Variants in SYBU observed in about 807,000 individuals in gnomAD.
The protein encoded by SYBU is syntabulin, also known as GOLSYN A protein.
A neutral mutation model predicts 35.9 loss-of-function variants in SYBU; 21 were observed. The observed-to-expected ratio is 0.58, with a 90% CI of 0.41 to 0.84. The LOEUF (loss-of-function observed/expected upper bound fraction) is 0.84, where lower values mean the gene tolerates loss of function less well. Ranked by LOEUF, SYBU falls within the 40% of genes least tolerant of loss-of-function variation. The pLI is 0.00. For missense variants in SYBU, 768 were observed against 848.2 expected, an observed-to-expected ratio of 0.91 and a Z score of 1.17; for synonymous variants, 319 against 324.3, an observed-to-expected ratio of 0.98 and a Z score of 0.18.
At chr8:109,606,150 C>A (rs956938609) in intron 3 of SYBU, among the ~76,000 whole-genome samples, 4 of 152,270 alleles carry the variant, frequency 2.6e-5, no homozygotes, top group Non-Finnish European at 5.9e-5. Context: ...CAATTCCCAT[C>A]AAAATGTTAA....
chr8:109,641,135 T>A (rs1814829842), intron 2 of SYBU, among the ~76,000 whole-genome samples: 1 of 152,210 alleles, frequency 6.6e-6, no homozygotes, highest in Non-Finnish European at 1.5e-5. Context: ...CTCCTTTAAA[T>A]TTTACCCAAA....
At chr8:109,665,249 T>C (rs572656796) in intron 1 of SYBU, among the ~76,000 whole-genome samples, 13 of 152,268 alleles carry the variant, frequency 8.5e-5, no homozygotes, top group African/African-American at 3.1e-4. Flanking sequence ...ATTAGTTGGC[T>C]TTTTTTGGCC....
At chr8:109,619,127 CGT>C in intron 2 of SYBU, 88 bp from the exon 3 acceptor site, 1 of 952,156 alleles carries the variant, frequency 1.1e-6, no homozygotes. Flanking sequence ...CACACGCACA[CGT>C]GCACTCGCAC....
intron 3 of SYBU, among the ~76,000 whole-genome samples, chr8:109,615,088 C>T (rs1475427988): frequency 6.6e-6 from 1 of 152,266 alleles, no homozygotes; most frequent in East Asian, 1.9e-4. Context: ...TTTAATAACT[C>T]CTTCCTGAGG....
chr8:109,618,496 A>G (rs11992641), intron 3 of SYBU, among the ~76,000 whole-genome samples: 14,191 of 152,286 alleles, frequency 0.093, 798 homozygotes, highest in South Asian at 0.23. Context: ...GTGGTCACTT[A>G]TGATAGTACT....
At chr8:109,683,419 G>T (rs1035229285), upstream of SYBU, among the ~76,000 whole-genome samples, 2 of 152,178 alleles carry the variant, frequency 1.3e-5, no homozygotes, top group African/African-American at 2.4e-5. Context: ...GAACTTGGAT[G>T]GGACTTGTAA....
chr8:109,686,842 G>C (rs1817530131), intron 1 of SYBU, among the ~76,000 whole-genome samples: 1 of 152,164 alleles, frequency 6.6e-6, no homozygotes, highest in Non-Finnish European at 1.5e-5. Context: ...CAGAGAAATA[G>C]ATAATTTCTT....
intron 3 of SYBU, among the ~76,000 whole-genome samples, chr8:109,614,912 G>A (rs1459584754): frequency 6.6e-6 from 1 of 152,230 alleles, no homozygotes; most frequent in East Asian, 1.9e-4. Context: ...AACAGGAAGG[G>A]CTTTCCTGCT....
chr8:109,598,451 C>T (rs1476512224), intron 3 of SYBU, among the ~76,000 whole-genome samples: 1 of 152,132 alleles, frequency 6.6e-6, no homozygotes, highest in Non-Finnish European at 1.5e-5. Context: ...TGACCTCAGG[C>T]AATCACTTAA....
rs1461007345 is a variant in SYBU at position 109,584,169 on chromosome 8, T to G, written c.530+1891A>C. On this transcript the variant is annotated intron_variant, in intron 4 of 6. Coordinates refer to ENST00000276646, the MANE Select transcript of SYBU (RefSeq NM_001099754.2). This position sits in a 1 kb window ranked among gnomAD's most constrained non-coding sequence, Gnocchi z 4.0. The stretch of plus-strand genomic sequence containing the variant: ...GGATAGAACACTGCCATTTTCAATT[T>G]TCCATCTATTAATTTTTGTTAAACC... 6.6e-6 allele frequency among the ~76,000 whole-genome samples: 1 copy of G among 152,168 alleles called. No individual in the cohort carries two copies. The highest frequency in any genetic ancestry group is 1.5e-5 in the Non-Finnish European group (1 of 68,030).
In SYBU at chr8:109,585,918, C is replaced by T; in HGVS notation, c.530+142G>A. On this transcript the variant is annotated intron_variant, in intron 4 of 6. Transcript: ENST00000276646. ...ACAGGAAAAACTACCAATTTAAAATCACTGTAAAAAAACAAAACAAAAAGC... is the reference window on the plus strand; with the variant it reads ...ACAGGAAAAACTACCAATTTAAAATTACTGTAAAAAAACAAAACAAAAAGC... 4.7e-6 allele frequency: 3 copies of T among 635,958 alleles called. No individual in the cohort carries two copies. The South Asian group carries it at 6.0e-5, about 13-fold the overall frequency. 39.4% of individuals were successfully genotyped at this position (635,958 alleles called of 1,614,324 possible).
upstream of SYBU, chr8:109,681,061 G>A (rs909827530): frequency 5.9e-5 from 9 of 152,184 alleles, no homozygotes; most frequent in South Asian, 2.1e-4. Flanking sequence ...CGAGCAACAC[G>A]ATGAATGTGT....
At chr8:109,623,324 T>A (rs1191618863) in intron 2 of SYBU, among the ~76,000 whole-genome samples, 1 of 152,196 alleles carries the variant, frequency 6.6e-6, no homozygotes, top group Admixed American at 6.5e-5. Context: ...AATTTACATG[T>A]CCTCCTTGAT....
chr8:109,618,886 G>A lies in SYBU; in HGVS notation c.383C>T (p.Ser128Phe), dbSNP rs1226489744. ...CTTTGATTCCTTCTTATATCGAGAG[G>A]ACTGAATGCTTCCTTCACCAACCAT... ...IGMVGEGSIQ[S>F]SRYKKESKSG... Residue 128 changes from serine to phenylalanine, a missense_variant, in exon 3 of 7, where the codon TCC (serine) becomes TTC (phenylalanine). By Grantham distance (155) the Ser-to-Phe change is radical. Coordinates refer to ENST00000276646, the MANE Select transcript of SYBU (RefSeq NM_001099754.2). The A allele has an allele frequency of 6.2e-7, 1 of 1,614,174 alleles. No homozygotes were observed. The highest frequency in any genetic ancestry group is 8.5e-7 in the Non-Finnish European group (1 of 1,180,018).
At position 109,584,026 on chromosome 8, in the gene SYBU, C is replaced by T. The variant is rs1472116508; in HGVS notation, c.530+2034G>A. Among the ~76,000 whole-genome samples, 4 of 151,836 alleles carry T rather than the reference C, an allele frequency of 2.6e-5. No individual in the cohort carries two copies. The highest frequency in any genetic ancestry group is 9.7e-5 in the African/African-American group (4 of 41,300). On this transcript the variant is annotated intron_variant, in intron 4 of 6. Coordinates refer to ENST00000276646, the MANE Select transcript of SYBU (RefSeq NM_001099754.2). The surrounding 1 kb of genome is among the most constrained non-coding windows in gnomAD (Gnocchi z 4.0). ...AGACACGGGGTTTCACCATATTAGC[C>T]AGGCTGGTCTTGAACTCCTGAACTC...
At chr8:109,615,782 G>A (rs1811666673) in intron 3 of SYBU, among the ~76,000 whole-genome samples, 1 of 151,904 alleles carries the variant, frequency 6.6e-6, no homozygotes, top group Admixed American at 6.6e-5. Flanking sequence ...CATTGAACTA[G>A]GATTCATAAA....
At chr8:109,633,811 G>A (rs1813902844) in intron 2 of SYBU, among the ~76,000 whole-genome samples, 1 of 152,080 alleles carries the variant, frequency 6.6e-6, no homozygotes, top group Non-Finnish European at 1.5e-5. Flanking sequence ...TTGGCTCACT[G>A]CAGCCTCCAC....
chr8:109,633,791 T>C (rs777817635), intron 2 of SYBU, among the ~76,000 whole-genome samples: 19 of 152,132 alleles, frequency 1.2e-4, no homozygotes, highest in Non-Finnish European at 2.5e-4. Context: ...TGGAGTGCAG[T>C]GGCGCAATCT....
At chr8:109,655,098 A>G (rs1816301512) in intron 1 of SYBU, among the ~76,000 whole-genome samples, 1 of 152,164 alleles carries the variant, frequency 6.6e-6, no homozygotes. Context: ...TCATCCACTA[A>G]TGCATAGCTT....
Sources: gnomAD v4.1 joint callset for allele counts (sites outside exome capture counted in the v4.1 genomes callset) on GRCh38, gnomAD v4.1.1 for gene constraint, Gnocchi (gnomAD v3.1) non-coding constraint, MANE v1.5 for transcripts, NCBI Gene and HGNC (gene_info 2026-07-23, HGNC 2026-07-21) for gene names.